SAMD12: variants seen among roughly 807,000 people sequenced by gnomAD.
SAMD12 encodes the protein sterile alpha motif domain containing 12.
In SAMD12, 9 loss-of-function variants were observed where a neutral mutation model predicts 15.0. That is an observed-to-expected ratio of 0.60 (90% CI 0.36 to 1.05). The LOEUF (loss-of-function observed/expected upper bound fraction) is 1.05. Ranked by LOEUF, SAMD12 falls within the 50% of genes least tolerant of loss-of-function variation. The pLI is 0.01. For missense variants in SAMD12, 230 were observed against 234.2 expected, an observed-to-expected ratio of 0.98 and a Z score of 0.12; for synonymous variants, 86 against 90.1, an observed-to-expected ratio of 0.96 and a Z score of 0.25.
chr8:118,200,198 T>C (rs1484399597), intron 4 of SAMD12, among the ~76,000 whole-genome samples: 1 of 152,112 alleles, frequency 6.6e-6, no homozygotes, highest in African/African-American at 2.4e-5. Flanking sequence ...TTTTCCTTTA[T>C]AATTTACCCA....
At chr8:118,518,836 A>G (rs1825315147) in intron 2 of SAMD12, among the ~76,000 whole-genome samples, 1 of 152,264 alleles carries the variant, frequency 6.6e-6, no homozygotes, top group African/African-American at 2.4e-5. Flanking sequence ...TGGAATGCAC[A>G]GCTGTGTCTT....
intron 3 of SAMD12, among the ~76,000 whole-genome samples, chr8:118,431,083 A>G (rs1268692606): frequency 6.6e-6 from 1 of 152,154 alleles, no homozygotes; most frequent in Non-Finnish European, 1.5e-5. Context: ...ACAGTTAACA[A>G]TATACGTTTT....
At chr8:118,238,232 T>C (rs1342410388) in intron 4 of SAMD12, among the ~76,000 whole-genome samples, 1 of 152,084 alleles carries the variant, frequency 6.6e-6, no homozygotes, top group Non-Finnish European at 1.5e-5. Flanking sequence ...ATTTTACCAG[T>C]GTTTGGCATA....
the SAMD12 span, among the ~76,000 whole-genome samples, chr8:118,179,172 T>C: frequency 1.3e-5 from 2 of 152,126 alleles, no homozygotes; most frequent in African/African-American, 4.8e-5. Flanking sequence ...CCGGATGCGG[T>C]GGCTCATGTC....
Position 118,578,836 on chromosome 8 carries a change from T to C in SAMD12, c.192+1879A>G, listed in dbSNP as rs867152178. On this transcript the variant is annotated intron_variant, in intron 2 of 3. Coordinates refer to ENST00000314727, the MANE Select transcript of SAMD12 (RefSeq NM_207506.3). ...CTAGTCTGTTCACCCCTAAATATGA[T>C]GGCAGTGTGAAAAACCCAGAATCTC... 7.9e-5 allele frequency among the ~76,000 whole-genome samples: 12 copies of C among 152,182 alleles called. No individual in the cohort carries two copies. The South Asian group carries it at 2.5e-3, about 32-fold the overall frequency.
intron 4 of SAMD12, among the ~76,000 whole-genome samples, chr8:118,362,089 G>C (rs1479403272): frequency 6.6e-6 from 1 of 151,840 alleles, no homozygotes; most frequent in Non-Finnish European, 1.5e-5. Flanking sequence ...GAGCACTTTG[G>C]TGGGGGTGGG....
chr8:118,164,263 G>A, the SAMD12 span, among the ~76,000 whole-genome samples: 1 of 152,182 alleles, frequency 6.6e-6, no homozygotes, highest in Admixed American at 6.5e-5. Flanking sequence ...AGAAATGTGA[G>A]CTCTTCAAAG....
chr8:118,188,931 G>T (rs532897789), downstream of SAMD12, among the ~76,000 whole-genome samples: 1 of 152,262 alleles, frequency 6.6e-6, no homozygotes, highest in Non-Finnish European at 1.5e-5. Flanking sequence ...TTATTTGAAG[G>T]TCAGCCTTTC....
In SAMD12 at chr8:118,372,227, CAA is replaced by C. The variant is rs139924912; in HGVS notation, c.433+7331_433+7332del. 6.0e-3 allele frequency among the ~76,000 whole-genome samples: 909 copies of C among 152,228 alleles called. 6 individuals are homozygous for C. The highest frequency in any genetic ancestry group is 0.021 in the African/African-American group (853 of 41,556). On this transcript the variant is annotated intron_variant, in intron 4 of 4. Transcript: ENST00000409003. ...AAGATTCTCTTCCTCAGAAGAGAGACAAAAGGAAGCATTTCTCAATGTCACTT... is the reference window on the plus strand; with the variant it reads ...AAGATTCTCTTCCTCAGAAGAGAGACAAGGAAGCATTTCTCAATGTCACTT...
At chr8:118,320,640 G>A (rs945085620) in intron 4 of SAMD12, among the ~76,000 whole-genome samples, 89 of 136,004 alleles carry the variant, frequency 6.5e-4, no homozygotes, top group Admixed American at 6.6e-4. Flanking sequence ...ACACAGGAAG[G>A]GGAACATCAC....
At chr8:118,450,216 G>C (rs10955887) in intron 2 of SAMD12, among the ~76,000 whole-genome samples, 69,559 of 152,108 alleles carry the variant, frequency 0.46, 17,968 homozygotes, top group South Asian at 0.6. Flanking sequence ...TGGGCATCAG[G>C]GTGTCTACAA....
chr8:118,272,473 T>G (rs188301523), intron 4 of SAMD12, among the ~76,000 whole-genome samples: 1 of 152,330 alleles, frequency 6.6e-6, no homozygotes, highest in South Asian at 2.1e-4. Context: ...TATTACCCAT[T>G]GTCTGGGTGA....
chr8:118,193,133 A>G (rs1819454788), exon 5 of SAMD12: 1 of 152,224 alleles, frequency 6.6e-6, no homozygotes, highest in African/African-American at 2.4e-5. Flanking sequence ...GCTCTCACCC[A>G]GAATTTTCCC....
intron 4 of SAMD12, among the ~76,000 whole-genome samples, chr8:118,360,308 G>A (rs1563793884): frequency 6.6e-6 from 1 of 152,122 alleles, no homozygotes; most frequent in Non-Finnish European, 1.5e-5. Flanking sequence ...TTCCTGACCT[G>A]AATGCCAGGT....
chr8:118,327,555 G>C (rs1278911273), intron 4 of SAMD12, among the ~76,000 whole-genome samples: 1 of 152,148 alleles, frequency 6.6e-6, no homozygotes, highest in East Asian at 1.9e-4. Context: ...TCGAGGAAGA[G>C]GGGAAAGATG....
At chr8:118,188,223 G>A (rs568565442), downstream of SAMD12, among the ~76,000 whole-genome samples, 1 of 152,214 alleles carries the variant, frequency 6.6e-6, no homozygotes, top group African/African-American at 2.4e-5. Context: ...AAGAGAAAGA[G>A]ACAGGAAGAG....
At chr8:118,456,912 G>A (rs1823271035) in intron 2 of SAMD12, among the ~76,000 whole-genome samples, 1 of 152,106 alleles carries the variant, frequency 6.6e-6, no homozygotes. Context: ...CTGCTCAAAT[G>A]GCATTCCATG....
chr8:118,249,348 C>T (rs1214336820), intron 4 of SAMD12, among the ~76,000 whole-genome samples: 2 of 152,150 alleles, frequency 1.3e-5, no homozygotes, highest in African/African-American at 2.4e-5. Context: ...TAAATCATCT[C>T]TAGATTATAA....
At chr8:118,605,221 T>C (rs962773976) in intron 1 of SAMD12, among the ~76,000 whole-genome samples, 4 of 152,202 alleles carry the variant, frequency 2.6e-5, no homozygotes, top group African/African-American at 9.7e-5. Flanking sequence ...TTTTCAAACT[T>C]GGACAGTAAT....
Sources: gnomAD v4.1 joint callset for allele counts (sites outside exome capture counted in the v4.1 genomes callset) on GRCh38, gnomAD v4.1.1 for gene constraint, MANE v1.5 for transcripts, NCBI Gene and HGNC (gene_info 2026-07-23, HGNC 2026-07-21) for gene names.